The following PTPRK variants were observed in gnomAD, a reference collection of about 807,000 sequenced individuals.
PTPRK encodes the protein receptor-type tyrosine-protein phosphatase kappa.
In PTPRK, 75 loss-of-function variants were observed where a neutral mutation model predicts 178.0. The observed-to-expected ratio is 0.42, with a 90% CI of 0.35 to 0.51. The LOEUF is 0.51. Ranked by LOEUF, PTPRK falls within the 20% of genes least tolerant of loss-of-function variation. PTPRK has a pLI of 0.02. For missense variants in PTPRK, 1,441 were observed against 1,797.8 expected (o/e 0.80, Z 3.59); for synonymous variants, 637 against 620.6 (o/e 1.03, Z -0.39).
intron 1 of PTPRK, among the ~76,000 whole-genome samples, chr6:128,405,584 C>G (rs1841556081): frequency 6.6e-6 from 1 of 152,056 alleles, no homozygotes; most frequent in South Asian, 2.1e-4. Flanking sequence ...TTTGGTAAAA[C>G]TGGAAACCAC....
intron 13 of PTPRK, among the ~76,000 whole-genome samples, chr6:128,021,374 C>T (rs1315260880): frequency 3.3e-5 from 5 of 152,320 alleles, no homozygotes; most frequent in Non-Finnish European, 5.9e-5. Context: ...CAGTGGCTCA[C>T]GCCTGTAATC....
At chr6:128,087,892 G>A (rs527542004) in intron 8 of PTPRK, among the ~76,000 whole-genome samples, 60 of 152,132 alleles carry the variant, frequency 3.9e-4, no homozygotes, top group Middle Eastern at 3.4e-3. Context: ...ATGAAATGAT[G>A]GTCATTTCCA....
At chr6:128,308,167 T>C (rs552420308) in intron 3 of PTPRK, among the ~76,000 whole-genome samples, 17 of 151,890 alleles carry the variant, frequency 1.1e-4, no homozygotes, top group Non-Finnish European at 1.9e-4. Flanking sequence ...AATATACAAA[T>C]CATGATACCA....
At chr6:128,045,158 A>G (rs1777840363) in intron 13 of PTPRK, among the ~76,000 whole-genome samples, 1 of 151,996 alleles carries the variant, frequency 6.6e-6, no homozygotes, top group South Asian at 2.1e-4. Context: ...AAAACTTCCT[A>G]TCTCTTTAGT....
chr6:128,381,842 C>T (rs1024595316), intron 2 of PTPRK, among the ~76,000 whole-genome samples: 18 of 152,058 alleles, frequency 1.2e-4, no homozygotes, highest in South Asian at 2.1e-4. Context: ...ATTTGTAAAA[C>T]GGAAGTTTAG....
At chr6:128,499,417 T>C (rs1424718665) in intron 1 of PTPRK, among the ~76,000 whole-genome samples, 2 of 152,242 alleles carry the variant, frequency 1.3e-5, no homozygotes, top group East Asian at 1.9e-4. Context: ...GAAAAGAATA[T>C]CCAACATAAA....
At chr6:128,366,503 G>A (rs1584381151) in intron 2 of PTPRK, among the ~76,000 whole-genome samples, 1 of 152,022 alleles carries the variant, frequency 6.6e-6, no homozygotes, top group East Asian at 1.9e-4. Flanking sequence ...TTTGTACCAA[G>A]TACTGGACTA....
chr6:128,145,483 A>G (rs1451571433), intron 7 of PTPRK, among the ~76,000 whole-genome samples: 1 of 152,156 alleles, frequency 6.6e-6, no homozygotes, highest in Non-Finnish European at 1.5e-5. Flanking sequence ...CTTCATTTAC[A>G]AAGGGATCTG....
At chr6:128,181,523 C>T (rs561968600) in intron 7 of PTPRK, among the ~76,000 whole-genome samples, 47 of 152,000 alleles carry the variant, frequency 3.1e-4, no homozygotes, top group African/African-American at 8.4e-4. Context: ...TCTTATAGAA[C>T]CAGTATTTAG....
chr6:128,096,926 G>A lies in PTPRK; in HGVS notation c.1163-6934C>T, dbSNP rs533829091. Among the ~76,000 whole-genome samples, 25 of 152,198 alleles carry A rather than the reference G, an allele frequency of 1.6e-4. 2 individuals carry two copies. Among genetic ancestry groups the A allele is most frequent in the African/African-American group, 6.0e-4 (25 of 41,544 alleles). ...GCACCTTGGGGAAGGAAAACTTAAG[G>A]TCTTTGAAAGACATTGTCTTTTACT... is the stretch of plus-strand genomic sequence containing the variant. On this transcript the variant is annotated intron_variant, in intron 7 of 29. Transcript: ENST00000368226.
At chr6:128,248,021 C>T (rs1815795324) in intron 3 of PTPRK, among the ~76,000 whole-genome samples, 1 of 152,040 alleles carries the variant, frequency 6.6e-6, no homozygotes. Context: ...CAAATGTGCC[C>T]AAATCAAAAC....
At chr6:128,039,092 A>G (rs1291104391) in intron 13 of PTPRK, among the ~76,000 whole-genome samples, 1 of 152,160 alleles carries the variant, frequency 6.6e-6, no homozygotes, top group Non-Finnish European at 1.5e-5. Flanking sequence ...ATATGACCTG[A>G]CAATATTGCT....
At chr6:128,022,742 T>C (rs1773720415) in intron 13 of PTPRK, among the ~76,000 whole-genome samples, 1 of 152,230 alleles carries the variant, frequency 6.6e-6, no homozygotes, top group Non-Finnish European at 1.5e-5. Flanking sequence ...TCCTCTTCCA[T>C]CTGCCTCACT....
intron 13 of PTPRK, among the ~76,000 whole-genome samples, chr6:128,052,743 C>G (rs1779230284): frequency 6.6e-6 from 1 of 152,160 alleles, no homozygotes. Flanking sequence ...TTGGGAGCTA[C>G]TTTGAAACTA....
chr6:128,343,273 G>T (rs1300127249), intron 2 of PTPRK, among the ~76,000 whole-genome samples: 2 of 152,096 alleles, frequency 1.3e-5, no homozygotes, highest in African/African-American at 4.8e-5. Context: ...GCTGAGGCAG[G>T]TGGATCACCT....
At chr6:128,368,393 A>C (rs1754836305) in intron 2 of PTPRK, among the ~76,000 whole-genome samples, 1 of 152,030 alleles carries the variant, frequency 6.6e-6, no homozygotes, top group Admixed American at 6.6e-5. Context: ...AAAAAAGAAA[A>C]AAAAAAAACG....
At chr6:128,063,903 G>C (rs6569522) in intron 13 of PTPRK, among the ~76,000 whole-genome samples, 131,094 of 152,080 alleles carry the variant, frequency 0.86, 56,671 homozygotes, top group East Asian at 1. Context: ...TATGGCCATT[G>C]ATTTTTACCC....
chr6:128,056,234 T>C (rs1036049972), intron 13 of PTPRK, among the ~76,000 whole-genome samples: 1 of 151,916 alleles, frequency 6.6e-6, no homozygotes, highest in Non-Finnish European at 1.5e-5. Context: ...GGTTAAGAAG[T>C]AGTCAATGAG....
At chr6:128,009,029 C>CA in intron 14 of PTPRK, 101 bp downstream of exon 14, 1 of 1,087,052 alleles carries the variant, frequency 9.2e-7, no homozygotes, top group Non-Finnish European at 1.3e-6. Context: ...AAATTTTCTT[C>CA]CTGTTGTTTG....
Sources: allele counts gnomAD v4.1 joint callset (sites outside exome capture counted in the v4.1 genomes callset), GRCh38; gene constraint gnomAD v4.1.1; transcripts MANE v1.5; gene names NCBI Gene and HGNC (gene_info 2026-07-23, HGNC 2026-07-21).